The following TTC34 variants were observed in gnomAD, a reference collection of about 807,000 sequenced individuals.
The protein encoded by TTC34 is tetratricopeptide repeat domain 34.
Under a neutral mutation model 40.7 loss-of-function variants are expected in TTC34, and 44 were observed. That is an observed-to-expected ratio of 1.08 (90% CI 0.85 to 1.39). TTC34 has a LOEUF of 1.39. TTC34 is among the 40% of genes most tolerant of loss of function. TTC34 has a pLI of 0.00. For synonymous variants in TTC34, 422 were observed against 398.6 expected (o/e 1.06, Z -0.70); for missense variants, 884 against 838.0 (o/e 1.05, Z -0.68).
chr1:2,644,364 C>A (rs1257648621), exon 8 of TTC34: 2 of 1,536,020 alleles, frequency 1.3e-6, no homozygotes, highest in Non-Finnish European at 8.7e-7. Context: ...CCTTGCAGCC[C>A]CTGGCACGTC....
chr1:2,797,266 T>C (rs901246470), intron 2 of TTC34, among the ~76,000 whole-genome samples: 2 of 152,004 alleles, frequency 1.3e-5, no homozygotes, highest in African/African-American at 4.8e-5. Context: ...CGGCAGCTAA[T>C]ACTGCCATCC....
chr1:2,750,276 G>A (rs1459858129), intron 6 of TTC34, among the ~76,000 whole-genome samples: 507 of 3,964 alleles, frequency 0.13, 4 homozygotes, highest in East Asian at 0.16. Context: ...CTGGAAAAGA[G>A]CCCAGACCCC....
rs1382302863 is a variant in TTC34, at chr1:2,800,661, G to GC, written c.166dup (p.Ala56GlyfsTer172). On this transcript the variant is annotated frameshift_variant, in exon 2 of 9. Transcript: ENST00000401095. LOFTEE classifies it high-confidence loss of function. Reference sequence around the variant, plus strand: ...GGACTCCAGGGTGGCCACCACCGCCGCCCCCCGAGCCTGGGCCAGGGCAGT... The same window carrying GC: ...GGACTCCAGGGTGGCCACCACCGCCGCCCCCCCGAGCCTGGGCCAGGGCAGT... The GC allele has an allele frequency of 3.3e-5, 13 of 398,378 alleles. No homozygotes were observed. The highest frequency in any genetic ancestry group is 5.8e-5 in the Non-Finnish European group (13 of 226,002). The allele number at this position is 398,378 out of a possible 1,614,324, so 24.7% of individuals were successfully genotyped here.
Position 2,755,724 on chromosome 1 carries a change from G to C in TTC34, c.2226+27885C>G, listed in dbSNP as rs1641481578. Among the ~76,000 whole-genome samples, 15 of 46,834 alleles carry C rather than the reference G, an allele frequency of 3.2e-4. 1 individual carries two copies. The Admixed American group carries it at 3.4e-3, about 11-fold the overall frequency. The allele number at this position is 46,834 out of a possible 152,430, so 30.7% of individuals were successfully genotyped here. ...CAAACCCACAGGTGAGCATCCGACA[G>C]CCTGGAGCAGCACCCACACACCCAG... On this transcript the variant is annotated intron_variant, in intron 6 of 8. Transcript: ENST00000401095.
chr1:2,756,641 C>T (rs2100448258), intron 6 of TTC34, among the ~76,000 whole-genome samples: 1 of 151,930 alleles, frequency 6.6e-6, no homozygotes, highest in Admixed American at 6.6e-5. Context: ...AGGTGAGCAT[C>T]TGACAGCCTG....
chr1:2,687,235 G>A (rs1177811227), intron 6 of TTC34, among the ~76,000 whole-genome samples: 14 of 142,712 alleles, frequency 9.8e-5, no homozygotes, highest in South Asian at 6.3e-4. Flanking sequence ...GCCTGGAGCA[G>A]CACCCACACC....
chr1:2,641,659 C>G (rs888681131), exon 9 of TTC34: 1 of 1,535,292 alleles, frequency 6.5e-7, no homozygotes, highest in Non-Finnish European at 8.7e-7. Context: ...GCAGGCGACC[C>G]TGACGGCAGA....
intron 6 of TTC34, among the ~76,000 whole-genome samples, chr1:2,695,103 A>C (rs1640801469): frequency 7.9e-6 from 1 of 127,006 alleles, no homozygotes. Context: ...AACCTGGAAC[A>C]GCACCCATAC....
At chr1:2,787,128 T>G (rs1643600780) in intron 4 of TTC34, among the ~76,000 whole-genome samples, 1 of 152,122 alleles carries the variant, frequency 6.6e-6, no homozygotes, top group South Asian at 2.1e-4. Context: ...CAAGCCTGGT[T>G]TATGTGAGAG....
chr1:2,749,439 GA>G (rs1641245165), intron 6 of TTC34, among the ~76,000 whole-genome samples: 15 of 45,272 alleles, frequency 3.3e-4, no homozygotes, highest in Admixed American at 6.2e-4. Context: ...GAACAGCACC[GA>G]CACCCCCAGG....
Position 2,787,877 on chromosome 1 carries a change from T to C in TTC34, c.1629-171A>G, listed in dbSNP as rs375834680. 7.9e-5 allele frequency among the ~76,000 whole-genome samples: 12 copies of C among 152,324 alleles called. No individual in the cohort carries two copies. In the East Asian group the frequency reaches 2.1e-3, roughly 27 times the overall value. Reference sequence around the variant, plus strand: ...GAAGCCAAAGGTGCCCTTCCTAGCATGCGGCCCTCACGCTCTCCCTTGCCC... The same window carrying C: ...GAAGCCAAAGGTGCCCTTCCTAGCACGCGGCCCTCACGCTCTCCCTTGCCC... On this transcript the variant is annotated intron_variant, in intron 3 of 8. Coordinates refer to ENST00000401095, the Ensembl canonical transcript of TTC34.
At position 2,789,495 on chromosome 1, in the gene TTC34, G is replaced by A. The variant is rs1389484687; in HGVS notation, c.1628+8C>T. ...CAGCGGCCCCAGCGTGCCCGGGCGG[G>A]TCCTCACCCCTCCTGCGTGGTGGGG... On this transcript the variant is annotated splice_region_variant and intron_variant, in intron 3 of 8. Transcript: ENST00000401095. 4 of 1,508,608 alleles carry A rather than the reference G, an allele frequency of 2.7e-6. No individual in the cohort carries two copies. Among genetic ancestry groups the A allele is most frequent in the East Asian group, 2.7e-5 (1 of 37,642 alleles). 93.5% of individuals were successfully genotyped at this position (1,508,608 alleles called of 1,614,324 possible).
intron 6 of TTC34, among the ~76,000 whole-genome samples, chr1:2,753,517 G>T (rs1218906901): frequency 1.1e-5 from 1 of 90,056 alleles, no homozygotes; most frequent in Non-Finnish European, 2.0e-5. Flanking sequence ...GCATCGGACG[G>T]CCTGCAACAG....
rs867523356 is a variant in TTC34 at position 2,652,091 on chromosome 1, T to C, written c.2227-6528A>G. The stretch of plus-strand genomic sequence containing the variant: ...CTGGAGGAGCACCCACACCCCCAGG[T>C]GAGCATCTGACAGACTGGAACAGCA... On this transcript the variant is annotated intron_variant, in intron 6 of 8. Transcript: ENST00000401095. Among the ~76,000 whole-genome samples the C allele has an allele frequency of 1.7e-4, 10 of 59,298 alleles. 1 individual carries two copies. Among genetic ancestry groups the C allele is most frequent in the East Asian group, 1.4e-3 (2 of 1,470 alleles). The allele number at this position is 59,298 out of a possible 152,430, so 38.9% of individuals were successfully genotyped here. A position where few individuals can be genotyped will look rare whatever the true frequency, so the allele number is the denominator to read the frequency against.
chr1:2,771,333 C>A lies in TTC34; in HGVS notation c.2226+12276G>T, dbSNP rs1359587205. ...AATGGCATCCTCACCTCCAGGTGAG[C>A]ATCTGACAGCCTGGAACAGAATTCT... On this transcript the variant is annotated intron_variant, in intron 6 of 8. Transcript: ENST00000401095. Among the ~76,000 whole-genome samples the A allele has an allele frequency of 1.5e-4, 10 of 68,696 alleles. 4 individuals are homozygous for A. The highest frequency in any genetic ancestry group is 1.2e-3 in the African/African-American group (10 of 8,268). The allele number at this position is 68,696 out of a possible 152,430, so 45.1% of individuals were successfully genotyped here. A position where few individuals can be genotyped will look rare whatever the true frequency, so the allele number is the denominator to read the frequency against.
chr1:2,752,372 C>A (rs1405959638), intron 6 of TTC34, among the ~76,000 whole-genome samples: 4 of 126,842 alleles, frequency 3.2e-5, no homozygotes, highest in African/African-American at 1.3e-4. Context: ...CACCCACACC[C>A]CCAGGCGAGC....
At chr1:2,794,128 T>G (rs1421181868) in intron 2 of TTC34, among the ~76,000 whole-genome samples, 1 of 152,168 alleles carries the variant, frequency 6.6e-6, no homozygotes, top group East Asian at 1.9e-4. Flanking sequence ...GGTAAGTAGC[T>G]GGGATCACAG....
chr1:2,688,125 C>T (rs1640451502), intron 6 of TTC34, among the ~76,000 whole-genome samples: 1 of 148,356 alleles, frequency 6.7e-6, no homozygotes, highest in Non-Finnish European at 1.5e-5. Context: ...ACAGCACCCA[C>T]ACCCCCAGGC....
intron 6 of TTC34, among the ~76,000 whole-genome samples, chr1:2,698,857 G>A (rs796148500): frequency 1.0e-3 from 95 of 95,014 alleles, no homozygotes; most frequent in South Asian, 2.1e-3. Flanking sequence ...ACTCCCAGGC[G>A]AGCATCTGAC....
Sources: gnomAD v4.1 joint callset for allele counts (sites outside exome capture counted in the v4.1 genomes callset) on GRCh38, gnomAD v4.1.1 for gene constraint, MANE v1.5 for transcripts, NCBI Gene and HGNC (gene_info 2026-07-23, HGNC 2026-07-21) for gene names.